The following KIFAP3 variants were observed in gnomAD, a reference collection of about 807,000 sequenced individuals.
The protein encoded by KIFAP3 is kinesin associated protein 3.
In KIFAP3, 68 loss-of-function variants were observed where a neutral mutation model predicts 106.5. That is an observed-to-expected ratio of 0.64 (90% confidence interval 0.53 to 0.78). KIFAP3 has a LOEUF of 0.78. KIFAP3 is among the 30% of genes least tolerant of loss of function. The probability of loss-of-function intolerance (pLI) is 0.00; values close to 1 mark genes in which losing one functional copy is unlikely to be tolerated. For synonymous variants in KIFAP3, 320 were observed against 311.5 expected, an observed-to-expected ratio of 1.03 and a Z score of -0.29; for missense variants, 780 against 941.8, an observed-to-expected ratio of 0.83 and a Z score of 2.25.
chr1:169,935,319 C>T (rs1663729189), intron 19 of KIFAP3, among the ~76,000 whole-genome samples: 1 of 151,942 alleles, frequency 6.6e-6, no homozygotes, highest in African/African-American at 2.4e-5. Context: ...CTCCTCCCAT[C>T]CTTTCATATT....
intron 19 of KIFAP3, among the ~76,000 whole-genome samples, chr1:169,925,173 T>C (rs771797601): frequency 3.9e-5 from 6 of 152,194 alleles, no homozygotes; most frequent in Non-Finnish European, 7.4e-5. Flanking sequence ...GCAACTATTA[T>C]AGTACTTTTT....
upstream of KIFAP3, among the ~76,000 whole-genome samples, chr1:170,079,191 G>C (rs1346518236): frequency 6.6e-6 from 1 of 152,092 alleles, no homozygotes; most frequent in Non-Finnish European, 1.5e-5. Flanking sequence ...GTTCCTGTGA[G>C]AGCTGGTTGA....
intron 2 of KIFAP3, among the ~76,000 whole-genome samples, chr1:170,054,681 C>A (rs1012951666): frequency 1.3e-5 from 2 of 151,990 alleles, no homozygotes; most frequent in Admixed American, 6.6e-5. Context: ...AAGCTAGAAG[C>A]CATCATTCTC....
chr1:170,082,212 C>A (rs537825887), intron 1 of KIFAP3, among the ~76,000 whole-genome samples: 2 of 152,096 alleles, frequency 1.3e-5, no homozygotes, highest in Non-Finnish European at 2.9e-5. Context: ...TCAATTGATA[C>A]AAATTGTGGG....
intron 10 of KIFAP3, among the ~76,000 whole-genome samples, chr1:170,009,799 C>T (rs74122304): frequency 0.088 from 13,363 of 152,116 alleles, 1,541 homozygotes; most frequent in African/African-American, 0.26. Flanking sequence ...TGAGACATAT[C>T]AATGTCAAAT....
rs1232430827 is a variant in KIFAP3 at position 170,074,452 on chromosome 1, C to T, written c.16G>A (p.Ala6Thr). 1.2e-6 allele frequency: 2 copies of T among 1,613,940 alleles called. No homozygotes were observed. Among genetic ancestry groups the T allele is most frequent in the African/African-American group, 1.3e-5 (1 of 74,942 alleles). Residue 6 changes from alanine to threonine, a missense_variant, in exon 1 of 20, where the codon GCC becomes ACC. Transcript: ENST00000361580. Reference protein sequence around the residue: MQGEDARYLKRKVKGG... With the variant: MQGEDTRYLKRKVKGG... ...AGTCGTCACCTTTTGAGGTATCTGG[C>T]GTCCTCCCCTTGCATGGCGGCAGCG...
In KIFAP3 at chr1:169,943,578, T is replaced by C. The variant is rs562259999; in HGVS notation, c.2273+10433A>G. Among the ~76,000 whole-genome samples the C allele has an allele frequency of 2.6e-5, 4 of 152,306 alleles. No homozygotes were observed. In the South Asian group the frequency reaches 8.3e-4, roughly 32 times the overall value. On this transcript the variant is annotated intron_variant, in intron 19 of 19. Coordinates refer to ENST00000361580, the MANE Select transcript of KIFAP3 (RefSeq NM_014970.4). ...ATATACAATTTTGTTATTCTCATTA[T>C]AATATGAAGGAGCAAGCCTTTATGA...
intron 1 of KIFAP3, among the ~76,000 whole-genome samples, chr1:170,070,544 G>A (rs1298094452): frequency 1.3e-5 from 2 of 152,046 alleles, no homozygotes; most frequent in Admixed American, 6.6e-5. Context: ...ATTCATGGAG[G>A]AAAAGAACAG....
chr1:170,035,740 G>T (rs946820133), intron 5 of KIFAP3, among the ~76,000 whole-genome samples, 187 bp from the exon 6 acceptor site: 1 of 151,912 alleles, frequency 6.6e-6, no homozygotes. Flanking sequence ...TTAAAGATAC[G>T]TAACATGCTG....
chr1:170,077,097 C>T (rs533852517), upstream of KIFAP3, among the ~76,000 whole-genome samples: 5 of 152,182 alleles, frequency 3.3e-5, no homozygotes, highest in South Asian at 1.0e-3. Flanking sequence ...CTGTGTCTAG[C>T]TAAAGGATTG....
upstream of KIFAP3, among the ~76,000 whole-genome samples, chr1:170,078,957 G>T (rs1296626828): frequency 1.3e-5 from 2 of 152,114 alleles, no homozygotes; most frequent in Non-Finnish European, 2.9e-5. Flanking sequence ...ACCAAATGGG[G>T]TTTATCCCAG....
At chr1:170,003,204 C>G (rs1159210135) in intron 10 of KIFAP3, among the ~76,000 whole-genome samples, 1 of 152,152 alleles carries the variant, frequency 6.6e-6, no homozygotes, top group East Asian at 1.9e-4. Flanking sequence ...TGTCTAAGTG[C>G]TTACTTTCAA....
chr1:170,035,603 T>G, intron 5 of KIFAP3, 50 bp from the exon 6 acceptor site: 481 of 1,152,860 alleles, frequency 4.2e-4, no homozygotes, highest in Non-Finnish European at 5.5e-4. Flanking sequence ...TGCTCTGGTA[T>G]AAAGGGTGAT....
intron 19 of KIFAP3, among the ~76,000 whole-genome samples, chr1:169,933,422 T>C (rs557407392): frequency 2.0e-5 from 3 of 152,134 alleles, no homozygotes; most frequent in African/African-American, 7.2e-5. Flanking sequence ...TATTTAACTG[T>C]TACATTATGG....
intron 18 of KIFAP3, among the ~76,000 whole-genome samples, chr1:169,959,450 C>A (rs949200439): frequency 1.3e-5 from 2 of 152,028 alleles, no homozygotes; most frequent in African/African-American, 2.4e-5. Flanking sequence ...ATTAAAAAAA[C>A]CTAAATGTTT....
At chr1:169,959,618 G>C (rs1484912125) in intron 18 of KIFAP3, among the ~76,000 whole-genome samples, 1 of 152,022 alleles carries the variant, frequency 6.6e-6, no homozygotes, top group Non-Finnish European at 1.5e-5. Flanking sequence ...TTAGAAATCT[G>C]TTTTGAAATT....
At position 169,992,068 on chromosome 1, in the gene KIFAP3, G is replaced by A. The variant is rs376377320; in HGVS notation, c.1284+87C>T. ...TATTATTAAGAAGAGAACTTTTTTA[G>A]AGAGAAAATCTTGACAAATCAAGAG... On this transcript the variant is annotated intron_variant, in intron 11 of 19. Transcript: ENST00000361580. The A allele has an allele frequency of 1.8e-3, 1,017 of 559,258 alleles. 5 individuals carry two copies. Among genetic ancestry groups the A allele is most frequent in the South Asian group, 1.5e-3 (26 of 17,924 alleles). 34.6% of individuals were successfully genotyped at this position (559,258 alleles called of 1,614,324 possible).
At chr1:170,080,745 T>C (rs556745511) in intron 1 of KIFAP3, among the ~76,000 whole-genome samples, 1 of 152,250 alleles carries the variant, frequency 6.6e-6, no homozygotes, top group East Asian at 1.9e-4. Context: ...TGTATTGTAA[T>C]CAGAAACCCA....
At chr1:169,922,048 A>C (rs1434171485) in intron 19 of KIFAP3, among the ~76,000 whole-genome samples, 1 of 152,220 alleles carries the variant, frequency 6.6e-6, no homozygotes, top group African/African-American at 2.4e-5. Flanking sequence ...AAATCAGAAA[A>C]GTTTTATTTA....
Sources: allele counts gnomAD v4.1 joint callset (sites outside exome capture counted in the v4.1 genomes callset), GRCh38; gene constraint gnomAD v4.1.1; transcripts MANE v1.5; gene names NCBI Gene and HGNC (gene_info 2026-07-23, HGNC 2026-07-21).